ABCC4: variants seen among roughly 807,000 people sequenced by gnomAD.
ABCC4 encodes ATP binding cassette subfamily C member 4 (PEL blood group).
In ABCC4, 102 loss-of-function variants were observed where a neutral mutation model predicts 168.5. The observed-to-expected ratio is 0.61, with a 90% confidence interval of 0.52 to 0.71. The LOEUF is 0.71. ABCC4 is among the 30% of genes least tolerant of loss of function. The pLI, the probability that ABCC4 is intolerant of heterozygous loss-of-function variation, is 0.00. For synonymous variants in ABCC4, 617 were observed against 590.7 expected (o/e 1.04, Z -0.65); for missense variants, 1,402 against 1,605.8 (o/e 0.87, Z 2.17).
At chr13:95,178,427 T>G (rs895604431) in intron 11 of ABCC4, among the ~76,000 whole-genome samples, 4 of 152,148 alleles carry the variant, frequency 2.6e-5, no homozygotes, top group Admixed American at 2.6e-4. Context: ...AATAAAAGAT[T>G]GACACAAATG....
chr13:95,246,952 T>C (rs762057471), intron 3 of ABCC4, 23 bp downstream of exon 3: 1 of 1,608,206 alleles, frequency 6.2e-7, no homozygotes, highest in Non-Finnish European at 8.5e-7. Context: ...GAAAAACAAT[T>C]CATGGTATGT....
chr13:95,228,240 G>A (rs746125071), intron 4 of ABCC4, among the ~76,000 whole-genome samples: 4 of 152,156 alleles, frequency 2.6e-5, no homozygotes, highest in Admixed American at 6.5e-5. Context: ...GAGAGCTACA[G>A]GTGGCTGCAA....
At chr13:95,252,936 T>A (rs1389095341) in intron 1 of ABCC4, among the ~76,000 whole-genome samples, 1 of 152,234 alleles carries the variant, frequency 6.6e-6, no homozygotes, top group Non-Finnish European at 1.5e-5. Flanking sequence ...GGACTAGAAT[T>A]CTGGTGCCAG....
At chr13:95,283,470 A>T (rs1364627927) in intron 1 of ABCC4, among the ~76,000 whole-genome samples, 1 of 150,606 alleles carries the variant, frequency 6.6e-6, no homozygotes, top group African/African-American at 2.4e-5. Context: ...CCTGGGCTCA[A>T]GCAATGCCCC....
At chr13:95,205,535 C>G (rs1024942552) in intron 8 of ABCC4, among the ~76,000 whole-genome samples, 1 of 152,248 alleles carries the variant, frequency 6.6e-6, no homozygotes, top group Non-Finnish European at 1.5e-5. Context: ...TATTCATAAA[C>G]ACACAAATAC....
chr13:95,046,471 A>G (rs1293788004), intron 27 of ABCC4, among the ~76,000 whole-genome samples: 1 of 152,150 alleles, frequency 6.6e-6, no homozygotes, highest in Non-Finnish European at 1.5e-5. Flanking sequence ...TATGAGAATG[A>G]TATGAATGTA....
intron 20 of ABCC4, among the ~76,000 whole-genome samples, chr13:95,100,924 T>C (rs2034779957): frequency 6.6e-6 from 1 of 152,164 alleles, no homozygotes. Context: ...TTCAGTGTGC[T>C]TTCTACACAC....
chr13:95,283,452 C>T (rs1369230687), intron 1 of ABCC4, among the ~76,000 whole-genome samples: 1 of 141,904 alleles, frequency 7.0e-6, no homozygotes, highest in Non-Finnish European at 1.5e-5. Context: ...TCACTGCAGC[C>T]TTGAACTCCT....
intron 1 of ABCC4, among the ~76,000 whole-genome samples, chr13:95,255,758 A>AC (rs1175949031): frequency 6.6e-6 from 1 of 151,806 alleles, no homozygotes; most frequent in African/African-American, 2.4e-5. Context: ...GGGTCCCCCA[A>AC]CCCCCCTCCA....
At chr13:95,240,527 TC>T (rs2039907953) in intron 3 of ABCC4, among the ~76,000 whole-genome samples, 2 of 113,810 alleles carry the variant, frequency 1.8e-5, no homozygotes, top group Non-Finnish European at 3.5e-5. Context: ...AAACTCCATC[TC>T]AAAACACACA....
chr13:95,261,704 A>G (rs549403975), intron 1 of ABCC4, among the ~76,000 whole-genome samples: 1 of 152,350 alleles, frequency 6.6e-6, no homozygotes, highest in South Asian at 2.1e-4. Context: ...GACTGAAGAC[A>G]GTAAGCTAGC....
intron 20 of ABCC4, among the ~76,000 whole-genome samples, chr13:95,095,286 T>TTATCTATC (rs55957658): frequency 0.041 from 6,027 of 146,372 alleles, 127 homozygotes; most frequent in Non-Finnish European, 0.047. Context: ...AACTGTGAGA[T>TTATCTATC]TATCTATCTA....
chr13:95,219,386 G>A (rs2039247707), intron 4 of ABCC4, among the ~76,000 whole-genome samples: 1 of 152,144 alleles, frequency 6.6e-6, no homozygotes. Context: ...GGTAAAGAAG[G>A]GACAGTGAGG....
intron 3 of ABCC4, among the ~76,000 whole-genome samples, chr13:95,236,002 G>C (rs1336646485): frequency 2.0e-5 from 3 of 152,062 alleles, no homozygotes; most frequent in Non-Finnish European, 4.4e-5. Flanking sequence ...GGAAGCATGC[G>C]GGCTTACCTT....
At chr13:95,233,208 A>G (rs1236831267) in intron 4 of ABCC4, among the ~76,000 whole-genome samples, 2 of 152,174 alleles carry the variant, frequency 1.3e-5, no homozygotes, top group Non-Finnish European at 2.9e-5. Context: ...TGTACATTAT[A>G]TAACTGTACA....
chr13:95,041,531 C>T (rs912387125), intron 29 of ABCC4, among the ~76,000 whole-genome samples: 11 of 152,196 alleles, frequency 7.2e-5, no homozygotes, highest in African/African-American at 2.2e-4. Flanking sequence ...TCATTAACAT[C>T]TGTCACTTCC....
intron 19 of ABCC4, among the ~76,000 whole-genome samples, chr13:95,145,149 T>C (rs187623092): frequency 6.6e-6 from 1 of 152,194 alleles, no homozygotes; most frequent in East Asian, 1.9e-4. Context: ...AAATAACAGA[T>C]GCTGGTGAGG....
At chr13:95,194,644 A>G (rs1401036535) in intron 9 of ABCC4, among the ~76,000 whole-genome samples, 192 bp downstream of exon 9, 1 of 152,200 alleles carries the variant, frequency 6.6e-6, no homozygotes, top group Non-Finnish European at 1.5e-5. Flanking sequence ...CTTGTCAAAT[A>G]CCTAAGTCTG....
At chr13:95,117,488 C>G (rs1343263252) in intron 19 of ABCC4, among the ~76,000 whole-genome samples, 1 of 151,260 alleles carries the variant, frequency 6.6e-6, no homozygotes, top group African/African-American at 2.4e-5. Flanking sequence ...CCAGACCATG[C>G]TATGCAGGGC....
Sources: gnomAD v4.1 joint callset for allele counts (sites outside exome capture counted in the v4.1 genomes callset) on GRCh38, gnomAD v4.1.1 for gene constraint, MANE v1.5 for transcripts, NCBI Gene and HGNC (gene_info 2026-07-23, HGNC 2026-07-21) for gene names.